Variants in PODN observed in about 807,000 individuals in gnomAD.
PODN encodes the protein podocan proteoglycan.
In PODN, 40 loss-of-function variants were observed where a neutral mutation model predicts 52.7. The observed-to-expected ratio is 0.76, with a 90% CI of 0.59 to 0.99. PODN has a LOEUF of 0.99. Among genes scored for constraint, PODN ranks in the 50% least tolerant of loss-of-function variants. PODN has a pLI of 0.00. For missense variants in PODN, 720 were observed against 815.1 expected (o/e 0.88, Z 1.42); for synonymous variants, 396 against 377.9 (o/e 1.05, Z -0.56).
intron 1 of PODN, among the ~76,000 whole-genome samples, chr1:53,066,088 TG>T (rs1644029557): frequency 6.9e-6 from 1 of 144,144 alleles, no homozygotes; most frequent in Admixed American, 7.5e-5. Flanking sequence ...CTCAACCTCC[TG>T]GGCTCAGGTG....
At position 53,078,689 on chromosome 1, in the gene PODN, A is replaced by G; in HGVS notation, c.1179A>G (p.Thr393=). The G allele has an allele frequency of 6.2e-7, 1 of 1,613,362 alleles. No homozygotes were observed. Among genetic ancestry groups the G allele is most frequent in the Non-Finnish European group, 8.5e-7 (1 of 1,179,978 alleles). ...RTLMILHNQI[T]GIGREDFATT... Reference sequence around the variant, plus strand: ...TCATGATCCTGCACAACCAGATCACAGGCATTGGCCGCGAAGACTTTGCCA... The same window carrying G: ...TCATGATCCTGCACAACCAGATCACGGGCATTGGCCGCGAAGACTTTGCCA... The change falls in exon 8 of 11, where the codon ACA becomes ACG. Residue 393 remains threonine, a synonymous_variant. Coordinates refer to ENST00000312553, the MANE Select transcript of PODN (RefSeq NM_153703.5).
At chr1:53,072,933 G>C (rs957557892) in intron 3 of PODN, 1 of 177,012 alleles carries the variant, frequency 5.6e-6, no homozygotes, top group African/African-American at 2.4e-5. Context: ...GTTCTGACAG[G>C]CACCTGTAAT....
intron 3 of PODN, chr1:53,073,053 A>G: frequency 4.5e-6 from 1 of 223,308 alleles, no homozygotes; most frequent in Non-Finnish European, 9.6e-6. Flanking sequence ...TAAGAGTGAA[A>G]AAAGCTGTCT....
At chr1:53,077,898 C>G in intron 7 of PODN, 98 bp downstream of exon 7, 1 of 868,884 alleles carries the variant, frequency 1.2e-6, no homozygotes, top group Non-Finnish European at 1.8e-6. Context: ...TCACGCACGT[C>G]CCCTGCCCAC....
At chr1:53,079,831 C>T (rs1423585810) in intron 8 of PODN, among the ~76,000 whole-genome samples, 1 of 151,534 alleles carries the variant, frequency 6.6e-6, no homozygotes, top group Admixed American at 6.6e-5. Flanking sequence ...CTCATCTCTA[C>T]AAAAAAATAA....
chr1:53,070,726 G>A (rs556569408), intron 2 of PODN, among the ~76,000 whole-genome samples: 135 of 152,334 alleles, frequency 8.9e-4, no homozygotes, highest in Non-Finnish European at 1.5e-3. Context: ...TGCGGCACCC[G>A]TTCCCAGAGG....
At position 53,080,842 on chromosome 1, in the gene PODN, G is replaced by A. The variant is rs534137326; in HGVS notation, c.1627G>A (p.Asp543Asn). The part of the protein sequence containing the change: ...KISAVPANAF[D>N]STPNLKGIFL... ...TAGTGCGGTGCCCGCCAATGCCTTCGACTCCACGCCCAACCTCAAGGGGAT... is the reference window on the plus strand; with the variant it reads ...TAGTGCGGTGCCCGCCAATGCCTTCAACTCCACGCCCAACCTCAAGGGGAT... The change falls in exon 9 of 11, where the codon GAC (aspartate) becomes AAC (asparagine). Residue 543 changes from aspartate to asparagine, a missense_variant. Physicochemically the swap from Asp to Asn is conservative, Grantham distance 23. Transcript: ENST00000312553. The A allele has an allele frequency of 1.2e-5, 20 of 1,614,122 alleles. No homozygotes were observed. The highest frequency in any genetic ancestry group is 1.2e-4 in the African/African-American group (9 of 75,058).
intron 1 of PODN, 46 bp from the exon 2 acceptor site, chr1:53,069,755 C>G (rs759952132): frequency 6.5e-7 from 1 of 1,527,022 alleles, no homozygotes; most frequent in Non-Finnish European, 8.8e-7. Flanking sequence ...GGGAGGGCCC[C>G]GTCATGACTT....
intron 1 of PODN, among the ~76,000 whole-genome samples, chr1:53,068,333 T>C (rs1419523371): frequency 6.6e-6 from 1 of 152,202 alleles, no homozygotes; most frequent in African/African-American, 2.4e-5. Context: ...CTAGCTGCTT[T>C]ATGGTCATGG....
intron 10 of PODN, 140 bp from the exon 11 acceptor site, chr1:53,084,373 C>G (rs1644333175): frequency 6.6e-6 from 1 of 152,058 alleles, no homozygotes; most frequent in African/African-American, 2.4e-5. Context: ...CTCCCAGGGC[C>G]AACGCTCCCT....
Position 53,078,600 on chromosome 1 carries a change from G to A in PODN, c.1090G>A (p.Val364Met), listed in dbSNP as rs775670248. ...AFQGLKRLHT[V>M]HLYNNALERV... ...CCAGGGCCTCAAGCGGTTGCACACG[G>A]TGCACCTGTACAACAACGCGCTGGA... is the stretch of plus-strand genomic sequence containing the variant. The change falls in exon 8 of 11, where the codon GTG becomes ATG. Residue 364 changes from valine to methionine, a missense_variant. Physicochemically the swap from Val to Met is conservative, Grantham distance 21 (BLOSUM62 1). Coordinates refer to ENST00000312553, the MANE Select transcript of PODN (RefSeq NM_153703.5). 7 of 1,613,066 alleles carry A rather than the reference G, an allele frequency of 4.3e-6. No individual in the cohort carries two copies. In the South Asian group the frequency reaches 5.5e-5, roughly 13 times the overall value.
At chr1:53,079,532 T>C (rs1644252414) in intron 8 of PODN, among the ~76,000 whole-genome samples, 1 of 152,096 alleles carries the variant, frequency 6.6e-6, no homozygotes. Flanking sequence ...CAGCCTGAGC[T>C]GTGGGCCCAC....
rs753806026 is a variant in PODN at position 53,080,837 on chromosome 1, C to T, written c.1622C>T (p.Ala541Val). The T allele has an allele frequency of 6.2e-7, 1 of 1,614,166 alleles. No homozygotes were observed. Among genetic ancestry groups the T allele is most frequent in the Non-Finnish European group, 8.5e-7 (1 of 1,180,036 alleles). ...NNKISAVPAN[A>V]FDSTPNLKGI... ...AAGATTAGTGCGGTGCCCGCCAATGCCTTCGACTCCACGCCCAACCTCAAG... is the reference window on the plus strand; with the variant it reads ...AAGATTAGTGCGGTGCCCGCCAATGTCTTCGACTCCACGCCCAACCTCAAG... Residue 541 changes from alanine to valine, a missense_variant, in exon 9 of 11, where the codon GCC becomes GTC. Coordinates refer to ENST00000312553, the MANE Select transcript of PODN (RefSeq NM_153703.5).
At chr1:53,076,081 C>A in intron 5 of PODN, 110 bp downstream of exon 5, 1 of 955,768 alleles carries the variant, frequency 1.0e-6, no homozygotes, top group Non-Finnish European at 1.6e-6. Context: ...GCCCTGCACT[C>A]AGGGCTGTGG....
At chr1:53,082,298 T>A in intron 10 of PODN, 110 bp downstream of exon 10, 1 of 1,353,750 alleles carries the variant, frequency 7.4e-7, no homozygotes, top group Non-Finnish European at 9.5e-7. Context: ...CTCTGCTTCA[T>A]CCACCCATTT....
intron 8 of PODN, among the ~76,000 whole-genome samples, chr1:53,079,241 G>A (rs558611600): frequency 1.3e-5 from 2 of 152,350 alleles, no homozygotes; most frequent in South Asian, 4.1e-4. Context: ...TCAGGCAGAG[G>A]GTGTGGCTGG....
chr1:53,070,271 C>A, intron 2 of PODN, 104 bp downstream of exon 2: 1 of 1,535,256 alleles, frequency 6.5e-7, no homozygotes, highest in Non-Finnish European at 8.8e-7. Context: ...CCAGAACCTC[C>A]AATATGTGCG....
intron 8 of PODN, 68 bp downstream of exon 8, chr1:53,079,090 A>C (rs928009978): frequency 3.5e-5 from 51 of 1,441,678 alleles, no homozygotes; most frequent in Non-Finnish European, 4.4e-5. Flanking sequence ...CCCTGAGCCC[A>C]CCTGTCTGAA....
chr1:53,075,340 A>C (rs1489139856), intron 4 of PODN, among the ~76,000 whole-genome samples: 1 of 152,166 alleles, frequency 6.6e-6, no homozygotes, highest in Non-Finnish European at 1.5e-5. Context: ...CCAGCTCTGC[A>C]AGGGGGCATC....
Sources: allele counts gnomAD v4.1 joint callset (sites outside exome capture counted in the v4.1 genomes callset), GRCh38; gene constraint gnomAD v4.1.1; transcripts MANE v1.5; gene names NCBI Gene and HGNC (gene_info 2026-07-23, HGNC 2026-07-21).